Variants in TTC7B observed in about 807,000 individuals in gnomAD.
TTC7B encodes tetratricopeptide repeat domain 7B, also known as tetratricopeptide repeat protein 7B.
In TTC7B, 28 loss-of-function variants were observed where a neutral mutation model predicts 106.8. That is an observed-to-expected ratio of 0.26 (90% confidence interval 0.19 to 0.36). The LOEUF is 0.36. TTC7B is among the 10% of genes least tolerant of loss of function. The pLI, the probability that TTC7B is intolerant of heterozygous loss-of-function variation, is 1.00. For missense variants in TTC7B, 862 were observed against 1,076.4 expected, an observed-to-expected ratio of 0.80 and a Z score of 2.79; for synonymous variants, 405 against 430.6, an observed-to-expected ratio of 0.94 and a Z score of 0.74.
chr14:90,724,831 A>G (rs1408842619), intron 5 of TTC7B, among the ~76,000 whole-genome samples: 1 of 152,250 alleles, frequency 6.6e-6, no homozygotes. Context: ...ATCCTCATTA[A>G]CTGAATGAAC....
At chr14:90,695,009 TTTA>T (rs1887656580) in intron 6 of TTC7B, among the ~76,000 whole-genome samples, 9 of 116,526 alleles carry the variant, frequency 7.7e-5, no homozygotes, top group South Asian at 2.9e-4. Flanking sequence ...GCCACATATA[TTTA>T]TTATAAATAT....
intron 19 of TTC7B, among the ~76,000 whole-genome samples, chr14:90,545,608 T>C (rs2139765772): frequency 6.6e-6 from 1 of 152,332 alleles, no homozygotes; most frequent in East Asian, 1.9e-4. Context: ...GACCAGGGCC[T>C]TGGCCCAGTG....
chr14:90,547,924 C>T (rs567158752), intron 19 of TTC7B, among the ~76,000 whole-genome samples: 14 of 152,260 alleles, frequency 9.2e-5, no homozygotes, highest in Middle Eastern at 3.4e-3. Context: ...AGGGAGATAA[C>T]GTCCCTGAAA....
chr14:90,578,762 C>A lies in TTC7B; in HGVS notation c.2108-454G>T, dbSNP rs1891367187. 6.6e-6 allele frequency among the ~76,000 whole-genome samples: 1 copy of A among 152,066 alleles called. No homozygotes were observed. The highest frequency in any genetic ancestry group is 2.4e-5 in the African/African-American group (1 of 41,424). On this transcript the variant is annotated intron_variant, in intron 18 of 19. Coordinates refer to ENST00000328459, the MANE Select transcript of TTC7B (RefSeq NM_001010854.2). This position sits in a 1 kb window ranked among gnomAD's most constrained non-coding sequence, Gnocchi z 4.7. ...CGGCTCTGCCCTCTGACCCACTCTC[C>A]TGATGCCAAGAAGTATGATGGGGCT...
At chr14:90,749,239 G>A (rs1890061765) in intron 3 of TTC7B, among the ~76,000 whole-genome samples, 2 of 152,120 alleles carry the variant, frequency 1.3e-5, no homozygotes, top group Admixed American at 1.3e-4. Flanking sequence ...GGAACTGATG[G>A]TTTATAGTTT....
intron 3 of TTC7B, among the ~76,000 whole-genome samples, chr14:90,756,391 T>TG (rs67616294): frequency 4.4e-4 from 65 of 149,174 alleles, no homozygotes; most frequent in Admixed American, 3.9e-3. Flanking sequence ...TTTGTTTTTT[T>TG]TTTTTGTTTT....
chr14:90,799,083 A>G (rs958205755), intron 1 of TTC7B, among the ~76,000 whole-genome samples: 2 of 151,950 alleles, frequency 1.3e-5, no homozygotes, highest in African/African-American at 4.8e-5. Flanking sequence ...CACTACCGAG[A>G]GCCCATCTCC....
intron 13 of TTC7B, among the ~76,000 whole-genome samples, chr14:90,651,281 T>A (rs1885705370): frequency 6.6e-6 from 1 of 152,248 alleles, no homozygotes. Flanking sequence ...ACACAAATTC[T>A]AATTTAGGTT....
chr14:90,798,709 CA>C (rs36223089), intron 1 of TTC7B, among the ~76,000 whole-genome samples: 1,151 of 52,214 alleles, frequency 0.022, 8 homozygotes, highest in African/African-American at 0.054. Context: ...GACTCCATCT[CA>C]AAAAAAAAAA....
intron 19 of TTC7B, among the ~76,000 whole-genome samples, chr14:90,551,179 C>T (rs537720919): frequency 6.6e-6 from 1 of 152,224 alleles, no homozygotes; most frequent in Non-Finnish European, 1.5e-5. Context: ...TGCTGAAGGC[C>T]TTGACCCTGC....
intron 17 of TTC7B, chr14:90,603,307 G>A: frequency 7.8e-7 from 1 of 1,288,900 alleles, no homozygotes; most frequent in Non-Finnish European, 1.0e-6. Flanking sequence ...GAGTTGCCTT[G>A]GAACAACAGA....
At position 90,540,819 on chromosome 14, in the gene TTC7B, C is replaced by T. The variant is rs1043583196; in HGVS notation, c.*549G>A. 6.5e-6 allele frequency: 1 copy of T among 153,966 alleles called. No individual in the cohort carries two copies. Among genetic ancestry groups the T allele is most frequent in the African/African-American group, 2.4e-5 (1 of 41,430 alleles). 9.5% of individuals were successfully genotyped at this position (153,966 alleles called of 1,614,324 possible). A position where few individuals can be genotyped will look rare whatever the true frequency, so the allele number is the denominator to read the frequency against. ...AATATTCTCGGACTCAGGCTTTGTT[C>T]TAAGTGAGGACAGTAATTGATCACA... is the stretch of plus-strand genomic sequence containing the variant. On this transcript the variant is annotated 3_prime_UTR_variant, in exon 20 of 20. Transcript: ENST00000328459.
intron 6 of TTC7B, among the ~76,000 whole-genome samples, chr14:90,691,453 G>C (rs1297306066): frequency 6.6e-6 from 1 of 152,086 alleles, no homozygotes; most frequent in Non-Finnish European, 1.5e-5. Context: ...CTCAAATGAA[G>C]TTCAGAAAAA....
chr14:90,628,069 G>A (rs1286452), intron 15 of TTC7B, among the ~76,000 whole-genome samples: 2,406 of 152,320 alleles, frequency 0.016, 57 homozygotes, highest in African/African-American at 0.055. Flanking sequence ...CTACCTGAGC[G>A]CATGGTGTTA....
rs1275293870 is a variant in TTC7B, at chr14:90,600,847, C to T, written c.1967-7221G>A. On this transcript the variant is annotated intron_variant, in intron 17 of 19. Coordinates refer to ENST00000328459, the MANE Select transcript of TTC7B (RefSeq NM_001010854.2). The surrounding 1 kb of genome is among the most constrained non-coding windows in gnomAD (Gnocchi z 4.3). ...GCTAGAGACAGTACCTTCTGGAGGA[C>T]TACATTGGGCAGATGCTTCCATCTC... 1.3e-5 allele frequency among the ~76,000 whole-genome samples: 2 copies of T among 152,180 alleles called. No homozygotes were observed. The highest frequency in any genetic ancestry group is 2.9e-5 in the Non-Finnish European group (2 of 68,020).
At chr14:90,660,962 T>C (rs1027764151) in intron 9 of TTC7B, among the ~76,000 whole-genome samples, 1 of 152,236 alleles carries the variant, frequency 6.6e-6, no homozygotes, top group Non-Finnish European at 1.5e-5. Context: ...GGCCTCATCC[T>C]ACGCCATGGG....
intron 3 of TTC7B, among the ~76,000 whole-genome samples, chr14:90,745,223 G>A (rs1889916174): frequency 6.6e-6 from 1 of 150,652 alleles, no homozygotes; most frequent in South Asian, 2.1e-4. Flanking sequence ...TTGAGCCCAG[G>A]AGTTTGAGAC....
At chr14:90,628,755 T>A (rs1884561323) in intron 15 of TTC7B, among the ~76,000 whole-genome samples, 1 of 152,238 alleles carries the variant, frequency 6.6e-6, no homozygotes, top group African/African-American at 2.4e-5. Flanking sequence ...AATCAGCTGC[T>A]CCTGTGAATC....
chr14:90,606,743 A>G (rs961036443), intron 17 of TTC7B, among the ~76,000 whole-genome samples: 15 of 152,300 alleles, frequency 9.8e-5, no homozygotes, highest in African/African-American at 3.4e-4. Flanking sequence ...GTTTAATGAA[A>G]CAAAATTCCA....
Sources: allele counts gnomAD v4.1 joint callset (sites outside exome capture counted in the v4.1 genomes callset), GRCh38; gene constraint gnomAD v4.1.1; non-coding constraint Gnocchi (gnomAD v3.1); transcripts MANE v1.5; gene names NCBI Gene and HGNC (gene_info 2026-07-23, HGNC 2026-07-21).